The following FANCA variants were observed in gnomAD, a reference collection of about 807,000 sequenced individuals.
FANCA encodes the protein Fanconi anemia group A protein.
A neutral mutation model predicts 194.3 loss-of-function variants in FANCA; 236 were observed. That is an observed-to-expected ratio of 1.21 (90% CI 1.09 to 1.35). The LOEUF is 1.35. Ranked by LOEUF, FANCA falls within the 40% of genes most tolerant of loss-of-function variation. FANCA has a pLI of 0.00. For synonymous variants in FANCA, 1,014 were observed against 715.8 expected (o/e 1.42, Z -6.65); for missense variants, 2,628 against 1,813.9 (o/e 1.45, Z -8.15).
At chr16:89,775,691 G>A (rs755419305) in intron 21 of FANCA, 51 bp downstream of exon 21, 1 of 1,479,548 alleles carries the variant, frequency 6.8e-7, no homozygotes, top group East Asian at 2.3e-5. Context: ...TCAAGGTTAG[G>A]AAAATGGAAA....
chr16:89,738,461 TC>T lies in FANCA; in HGVS notation c.*139del. 7.0e-7 allele frequency: 1 copy of T among 1,436,518 alleles called. No homozygotes were observed. The highest frequency in any genetic ancestry group is 9.6e-7 in the Non-Finnish European group (1 of 1,045,734). 89.0% of individuals were successfully genotyped at this position (1,436,518 alleles called of 1,614,324 possible). A position where few individuals can be genotyped will look rare whatever the true frequency, so the allele number is the denominator to read the frequency against. ...GCTGAGTGACTCGGGGCCGGACAGT[TC>T]ATAAATAATTGATTCCTTTCCCCAC... On this transcript the variant is annotated 3_prime_UTR_variant, in exon 43 of 43. Transcript: ENST00000389301.
Position 89,791,090 on chromosome 16 carries a change from G to A in FANCA, c.1359+313C>T, listed in dbSNP as rs56324411. On this transcript the variant is annotated intron_variant, in intron 14 of 42. Coordinates refer to ENST00000389301, the MANE Select transcript of FANCA (RefSeq NM_000135.4). ...CACTATGGTGTCCAGGCTTGATTTC[G>A]CTAATTTTCTTATAAAAGACAGCAG... The A allele has an allele frequency of 3.7e-3, 1,117 of 298,132 alleles. 6 individuals carry two copies. Among genetic ancestry groups the A allele is most frequent in the Admixed American group, 6.5e-3 (132 of 20,304 alleles). 18.5% of individuals were successfully genotyped at this position (298,132 alleles called of 1,614,324 possible). A position where few individuals can be genotyped will look rare whatever the true frequency, so the allele number is the denominator to read the frequency against.
chr16:89,779,458 T>TA lies in FANCA; in HGVS notation c.1715+410dup, dbSNP rs112119479. On this transcript the variant is annotated intron_variant, in intron 18 of 42. Coordinates refer to ENST00000389301, the MANE Select transcript of FANCA (RefSeq NM_000135.4). ...ATATTGGTCACAAAGAAGGCATTGA[T>TA]AAAAAAAAAAACATCATGGCCCCAC... Among the ~76,000 whole-genome samples the TA allele has an allele frequency of 3.8e-3, 553 of 146,496 alleles. 3 individuals carry two copies. The highest frequency in any genetic ancestry group is 7.1e-3 in the Middle Eastern group (2 of 282).
Position 89,775,609 on chromosome 16 carries a change from G to T in FANCA, c.1900+133C>A, listed in dbSNP as rs1415789713. 1.2e-4 allele frequency: 86 copies of T among 727,066 alleles called. No homozygotes were observed. In the East Asian group the frequency reaches 2.4e-3, roughly 20 times the overall value. The allele number at this position is 727,066 out of a possible 1,614,324, so 45.0% of individuals were successfully genotyped here. A position where few individuals can be genotyped will look rare whatever the true frequency, so the allele number is the denominator to read the frequency against. On this transcript the variant is annotated intron_variant, in intron 21 of 42. Transcript: ENST00000389301. ...GGCGTCAGCATGGTGGGCGGACCCTGTACCCAAAGCACCGGCTTGAGCTGG... is the reference window on the plus strand; with the variant it reads ...GGCGTCAGCATGGTGGGCGGACCCTTTACCCAAAGCACCGGCTTGAGCTGG...
rs1567590628 is a variant in FANCA, at chr16:89,738,554, T to C, written c.*47A>G. ...CAAGAGCTCCATGTTATGCTTGTAATAAATTATTTACACGGGAGCTGGGCT... is the reference window on the plus strand; with the variant it reads ...CAAGAGCTCCATGTTATGCTTGTAACAAATTATTTACACGGGAGCTGGGCT... On this transcript the variant is annotated 3_prime_UTR_variant, in exon 43 of 43. Transcript: ENST00000389301. 2 of 1,611,556 alleles carry C rather than the reference T, an allele frequency of 1.2e-6. No individual in the cohort carries two copies. Among genetic ancestry groups the C allele is most frequent in the African/African-American group, 2.7e-5 (2 of 74,882 alleles).
intron 37 of FANCA, 49 bp from the exon 38 acceptor site, chr16:89,740,915 G>A (rs1407152415): frequency 2.7e-6 from 4 of 1,505,476 alleles, no homozygotes; most frequent in African/African-American, 2.8e-5. Context: ...TACCTGTGCT[G>A]TCATTCTAAA....
In FANCA at chr16:89,743,817, C is replaced by CT. The variant is rs539870208; in HGVS notation, c.3627-880dup. On this transcript the variant is annotated intron_variant, in intron 36 of 42. Coordinates refer to ENST00000389301, the MANE Select transcript of FANCA (RefSeq NM_000135.4). ...TAGGGTGGGTGACAAGAGTGAAACT[C>CT]TGTCTCAAACAAAACAAAACAAAAA... 2.5e-4 allele frequency among the ~76,000 whole-genome samples: 38 copies of CT among 152,276 alleles called. 1 individual carries two copies. In the South Asian group the frequency reaches 6.0e-3, roughly 24 times the overall value.
At chr16:89,805,146 G>C (rs1390260433) in intron 7 of FANCA, 134 bp downstream of exon 7, 1 of 709,348 alleles carries the variant, frequency 1.4e-6, no homozygotes, top group Admixed American at 2.1e-5. Flanking sequence ...CTGAGACTGG[G>C]AGTCTGTCAT....
chr16:89,765,987 CATTA>C (rs1174299361), intron 27 of FANCA, among the ~76,000 whole-genome samples: 1 of 151,200 alleles, frequency 6.6e-6, no homozygotes, highest in Non-Finnish European at 1.5e-5. Flanking sequence ...AGTTGAAAAC[CATTA>C]TTTATTTATT....
intron 27 of FANCA, 95 bp downstream of exon 27, chr16:89,767,046 C>T: frequency 1.0e-6 from 1 of 1,002,208 alleles, no homozygotes; most frequent in Non-Finnish European, 1.6e-6. Context: ...CTGAGATGGG[C>T]ACAAAGCGGC....
intron 6 of FANCA, 96 bp from the exon 7 acceptor site, chr16:89,805,488 G>C (rs942181154): frequency 2.3e-6 from 2 of 878,804 alleles, no homozygotes; most frequent in African/African-American, 1.7e-5. Flanking sequence ...TTTTGAGACA[G>C]TTTTTTGCTG....
rs1281297736 is a variant in FANCA at position 89,737,773 on chromosome 16, G to T, written c.*828C>A. ...GTCCCCCCGGGAGGTTGGAGCATCA[G>T]GGGCCTGGACTCACTGGACTCTCCC... On this transcript the variant is annotated 3_prime_UTR_variant, in exon 43 of 43. Transcript: ENST00000389301. 6.2e-7 allele frequency: 1 copy of T among 1,612,666 alleles called. No individual in the cohort carries two copies. Among genetic ancestry groups the T allele is most frequent in the South Asian group, 1.1e-5 (1 of 90,946 alleles).
chr16:89,754,898 C>G (rs2038718252), intron 30 of FANCA, among the ~76,000 whole-genome samples: 1 of 152,150 alleles, frequency 6.6e-6, no homozygotes, highest in South Asian at 2.1e-4. Context: ...AAGCTCATCC[C>G]AAAATTAAGA....
At chr16:89,774,714 A>G (rs988964452) in intron 21 of FANCA, among the ~76,000 whole-genome samples, 2 of 100,954 alleles carry the variant, frequency 2.0e-5, no homozygotes, top group African/African-American at 7.2e-5. Flanking sequence ...TGGGCAACAG[A>G]GCGAGACTCT....
At position 89,738,634 on chromosome 16, in the gene FANCA, G is replaced by A. The variant is rs374830555; in HGVS notation, c.4335C>T (p.Asp1445=). The part of the protein sequence containing the change: ...ALQSRQQAAP[D]ADLSQEPHLF ...GATGAGGCTCCTGGGACAGGTCAGC[G>A]TCAGGGGCAGCCTGCTGTCTGCTCT... Residue 1445 remains aspartate, a synonymous_variant, in exon 43 of 43, where the codon GAC becomes GAT. Coordinates refer to ENST00000389301, the MANE Select transcript of FANCA (RefSeq NM_000135.4). The A allele has an allele frequency of 4.6e-5, 75 of 1,613,668 alleles. No individual in the cohort carries two copies. The highest frequency in any genetic ancestry group is 1.7e-4 in the Middle Eastern group (1 of 5,854).
At position 89,745,033 on chromosome 16, in the gene FANCA, C is replaced by T. The variant is rs774029286; in HGVS notation, c.3552G>A (p.Arg1184=). Residue 1184 remains arginine (R), a synonymous_variant, in exon 36 of 43, where the codon CGG becomes CGA. Transcript: ENST00000389301. ...GCGGGCTCTGGCAGTGTCTCCTCCACCGGCAGAGCAGCACAGGCTCCAGGC... is the reference window on the plus strand; with the variant it reads ...GCGGGCTCTGGCAGTGTCTCCTCCATCGGCAGAGCAGCACAGGCTCCAGGC... The part of the protein sequence containing the change: ...WPSLEPVLLC[R]WRRHCQSPLP... The T allele has an allele frequency of 2.2e-5, 35 of 1,610,034 alleles. No individual in the cohort carries two copies. Among genetic ancestry groups the T allele is most frequent in the Middle Eastern group, 1.6e-4 (1 of 6,080 alleles).
intron 31 of FANCA, among the ~76,000 whole-genome samples, chr16:89,751,929 C>G (rs1158559647): frequency 6.6e-6 from 1 of 152,036 alleles, no homozygotes; most frequent in Non-Finnish European, 1.5e-5. Flanking sequence ...CGCCACCACG[C>G]CCGGCTAAAT....
At chr16:89,761,434 A>G (rs1390368638) in intron 29 of FANCA, among the ~76,000 whole-genome samples, 2 of 151,558 alleles carry the variant, frequency 1.3e-5, no homozygotes, top group Non-Finnish European at 2.9e-5. Context: ...AAAAAAAAAA[A>G]AAAGAAAAAC....
At chr16:89,786,454 G>A (rs1003801675) in intron 14 of FANCA, among the ~76,000 whole-genome samples, 2 of 152,168 alleles carry the variant, frequency 1.3e-5, no homozygotes, top group African/African-American at 4.8e-5. Flanking sequence ...TGGGATTACA[G>A]ACATGAGCCA....
Sources: gnomAD v4.1 joint callset for allele counts (sites outside exome capture counted in the v4.1 genomes callset) on GRCh38, gnomAD v4.1.1 for gene constraint, MANE v1.5 for transcripts, NCBI Gene and HGNC (gene_info 2026-07-23, HGNC 2026-07-21) for gene names.